The following OSGEPL1 variants were observed in gnomAD, a reference collection of about 807,000 sequenced individuals.
OSGEPL1 encodes the protein tRNA N6-adenosine threonylcarbamoyltransferase, mitochondrial.
OSGEPL1 carries 26 observed loss-of-function variants against 37.2 expected under a neutral mutation model. That is an observed-to-expected ratio of 0.70 (90% CI 0.51 to 0.97). OSGEPL1 has a LOEUF of 0.97. Among genes scored for constraint, OSGEPL1 ranks in the 50% least tolerant of loss-of-function variants. The pLI is 0.00. For missense variants in OSGEPL1, 404 were observed against 487.0 expected, an observed-to-expected ratio of 0.83 and a Z score of 1.60; for synonymous variants, 140 against 159.9, an observed-to-expected ratio of 0.88 and a Z score of 0.94.
At position 189,754,309 on chromosome 2, in the gene OSGEPL1, A is replaced by G; in HGVS notation, c.646T>C (p.Cys216Arg). Residue 216 changes from cysteine to arginine, a missense_variant, in exon 4 of 9, where the codon TGC (cysteine) becomes CGC (arginine). Transcript: ENST00000264151. ...GCTTTCCCACCACTCATGGTGGAGC[A>G]CTCTGGATGTTTTATTAAAGAAAGT... is the stretch of plus-strand genomic sequence containing the variant. The part of the protein sequence containing the change: ...RRLSLIKHPE[C>R]STMSGGKAIE... The G allele has an allele frequency of 6.2e-7, 1 of 1,611,158 alleles. No individual in the cohort carries two copies. Among genetic ancestry groups the G allele is most frequent in the Non-Finnish European group, 8.5e-7 (1 of 1,178,872 alleles).
rs750790943 is a variant in OSGEPL1 at position 189,761,494 on chromosome 2, T to C, written c.147A>G (p.Thr49=). ...VLGIETSCDD[T]AAAVVDETGN... is the part of the protein sequence containing the mutation. Reference sequence around the variant, plus strand: ...CAGTTTCATCCACCACAGCAGCTGCTGTATCATCACAACTAGTTTCAATTC... The same window carrying C: ...CAGTTTCATCCACCACAGCAGCTGCCGTATCATCACAACTAGTTTCAATTC... The change falls in exon 2 of 9, where the codon ACA becomes ACG. Residue 49 remains threonine (T), a synonymous_variant. Transcript: ENST00000264151. The C allele has an allele frequency of 6.2e-7, 1 of 1,613,142 alleles. No homozygotes were observed. Among genetic ancestry groups the C allele is most frequent in the Non-Finnish European group, 8.5e-7 (1 of 1,179,444 alleles).
intron 7 of OSGEPL1, among the ~76,000 whole-genome samples, chr2:189,751,784 C>G (rs1426326102): frequency 6.6e-6 from 1 of 150,880 alleles, no homozygotes; most frequent in South Asian, 2.1e-4. Context: ...AAACAGTGTT[C>G]AAAATATAAT....
intron 2 of OSGEPL1, among the ~76,000 whole-genome samples, chr2:189,757,524 C>T (rs2046256922): frequency 6.6e-6 from 1 of 152,338 alleles, no homozygotes; most frequent in East Asian, 1.9e-4. Context: ...AAGGAATTCA[C>T]ACTTAATATT....
At chr2:189,748,018 A>G (rs576919927) in intron 8 of OSGEPL1, among the ~76,000 whole-genome samples, 4 of 152,066 alleles carry the variant, frequency 2.6e-5, no homozygotes, top group Non-Finnish European at 5.9e-5. Flanking sequence ...CCTTTTCTCC[A>G]TCCACTTGCT....
At chr2:189,757,676 A>G (rs987238919) in intron 2 of OSGEPL1, among the ~76,000 whole-genome samples, 1 of 152,238 alleles carries the variant, frequency 6.6e-6, no homozygotes, top group Non-Finnish European at 1.5e-5. Flanking sequence ...CCAGAATATA[A>G]GCCTACACTC....
At chr2:189,759,665 C>T (rs2046682359) in intron 2 of OSGEPL1, among the ~76,000 whole-genome samples, 1 of 152,134 alleles carries the variant, frequency 6.6e-6, no homozygotes, top group South Asian at 2.1e-4. Flanking sequence ...ACTGTGATTC[C>T]AAAATACCAG....
chr2:189,749,977 G>T (rs2044876989), intron 8 of OSGEPL1, among the ~76,000 whole-genome samples: 1 of 152,084 alleles, frequency 6.6e-6, no homozygotes, highest in African/African-American at 2.4e-5. Context: ...CAAAAAATTA[G>T]CCAGACGTGG....
At chr2:189,751,499 C>T (rs2045224872) in intron 7 of OSGEPL1, among the ~76,000 whole-genome samples, 2 of 140,610 alleles carry the variant, frequency 1.4e-5, no homozygotes, top group Admixed American at 7.6e-5. Flanking sequence ...GGCTGGAGTG[C>T]AGTGGCGTGA....
At chr2:189,754,420 G>T in intron 3 of OSGEPL1, 75 bp from the exon 4 acceptor site, 1 of 1,355,902 alleles carries the variant, frequency 7.4e-7, no homozygotes, top group African/African-American at 1.5e-5. Context: ...GAAATAAATT[G>T]AAAATTACTA....
In OSGEPL1 at chr2:189,752,927, A is replaced by C. The variant is rs779633283; in HGVS notation, c.1016T>G (p.Ile339Ser). ...SNFYIRRALE[I>S]LTNATQCTLL... ...AGTGCACTGTGTTGCATTTGTTAAA[A>C]TTTCCAGAGCTCTGCGGATATAGAA... Residue 339 changes from isoleucine (I) to serine (S), a missense_variant, in exon 6 of 9, where the codon ATT becomes AGT. Transcript: ENST00000264151. 6.2e-7 allele frequency: 1 copy of C among 1,613,720 alleles called. No homozygotes were observed.
chr2:189,754,183 G>A lies in OSGEPL1; in HGVS notation c.772C>T (p.His258Tyr), dbSNP rs1301750607. The A allele has an allele frequency of 6.2e-7, 1 of 1,613,754 alleles. No individual in the cohort carries two copies. The part of the protein sequence containing the change: ...NCDFSFTGLQ[H>Y]VTDKIIMKKE... ...TTCATTATTATTTTATCAGTAACGT[G>A]TTGAAGTCCAGTAAAAGAAAAATCA... Residue 258 changes from histidine to tyrosine, a missense_variant, in exon 4 of 9, where the codon CAC becomes TAC. Physicochemically the swap from His to Tyr is moderately conservative, Grantham distance 83. Transcript: ENST00000264151.
chr2:189,760,978 T>A (rs1424009843), intron 2 of OSGEPL1: 1 of 152,720 alleles, frequency 6.5e-6, no homozygotes, highest in African/African-American at 2.4e-5. Context: ...TCTATAAACA[T>A]CACAGTTTAT....
chr2:189,748,246 A>G (rs1290336546), intron 8 of OSGEPL1, among the ~76,000 whole-genome samples: 1 of 152,210 alleles, frequency 6.6e-6, no homozygotes, highest in Admixed American at 6.5e-5. Flanking sequence ...TCTGTTACCC[A>G]GGTTGGACGG....
chr2:189,750,421 A>G (rs905763932), intron 8 of OSGEPL1, 129 bp downstream of exon 8: 1 of 501,220 alleles, frequency 2.0e-6, no homozygotes, highest in Admixed American at 4.0e-5. Flanking sequence ...ACATTATAGT[A>G]TCTCAGAAGA....
chr2:189,761,557 A>C lies in OSGEPL1; in HGVS notation c.84T>G (p.Phe28Leu). The change falls in exon 2 of 9, where the codon TTT (phenylalanine) becomes TTG (leucine). Residue 28 changes from phenylalanine to leucine, a missense_variant. Coordinates refer to ENST00000264151, the MANE Select transcript of OSGEPL1 (RefSeq NM_022353.3). ...KVYEFLRSFN[F>L]HPGTLFLHKI... is the part of the protein sequence containing the mutation. Reference sequence around the variant, plus strand: ...TATGAAGAAATAGTGTTCCAGGATGAAAATTAAAACTTCTTAAAAATTCAT... The same window carrying C: ...TATGAAGAAATAGTGTTCCAGGATGCAAATTAAAACTTCTTAAAAATTCAT... 1 of 1,611,264 alleles carries C rather than the reference A, an allele frequency of 6.2e-7. No homozygotes were observed. Among genetic ancestry groups the C allele is most frequent in the South Asian group, 1.1e-5 (1 of 89,944 alleles).
At chr2:189,753,788 A>G (rs1377366904) in intron 5 of OSGEPL1, 128 bp downstream of exon 5, 1 of 1,020,900 alleles carries the variant, frequency 9.8e-7, no homozygotes, top group Non-Finnish European at 1.4e-6. Flanking sequence ...TATCCTGCAT[A>G]ATTTCATACT....
intron 3 of OSGEPL1, 49 bp downstream of exon 3, chr2:189,755,123 TG>T: frequency 6.4e-7 from 1 of 1,573,094 alleles, no homozygotes; most frequent in Middle Eastern, 1.7e-4. Flanking sequence ...GCTACTTAGT[TG>T]AAATGGACAA....
rs917865119 is a variant in OSGEPL1 at position 189,761,603 on chromosome 2, T to A, written c.38A>T (p.Lys13Ile). 27 of 1,607,484 alleles carry A rather than the reference T, an allele frequency of 1.7e-5. No individual in the cohort carries two copies. The highest frequency in any genetic ancestry group is 2.2e-5 in the Non-Finnish European group (26 of 1,177,760). The change falls in exon 2 of 9, where the codon AAA (lysine) becomes ATA (isoleucine). Residue 13 changes from lysine (K) to isoleucine (I), a missense_variant. Lys to Ile is a moderately radical substitution (Grantham distance 102). Coordinates refer to ENST00000264151, the MANE Select transcript of OSGEPL1 (RefSeq NM_022353.3). The part of the protein sequence containing the change: ...ILTKTAGVFF[K>I]PSKRKVYEFL... ...TTCATAAACTTTCCTTTTTGATGGT[T>A]TAAAAAAAACTCCTGCAGTCTTAGT... is the stretch of plus-strand genomic sequence containing the variant.
chr2:189,748,734 T>C (rs892148925), intron 8 of OSGEPL1, among the ~76,000 whole-genome samples: 2 of 152,154 alleles, frequency 1.3e-5, no homozygotes, highest in Non-Finnish European at 2.9e-5. Context: ...AATGGAAATA[T>C]TAAGTTTCTG....
Sources: allele counts gnomAD v4.1 joint callset (sites outside exome capture counted in the v4.1 genomes callset), GRCh38; gene constraint gnomAD v4.1.1; transcripts MANE v1.5; gene names NCBI Gene and HGNC (gene_info 2026-07-23, HGNC 2026-07-21).